The following SUN1 variants were observed in gnomAD, a reference collection of about 807,000 sequenced individuals.
SUN1 encodes Sad1 and UNC84 domain containing 1, also known as SUN domain-containing protein 1.
Under a neutral mutation model 103.2 loss-of-function variants are expected in SUN1, and 61 were observed. The ratio of observed to expected loss-of-function variants is 0.59; its 90% CI spans 0.48 to 0.73. SUN1 has a LOEUF of 0.73. SUN1 is among the 30% of genes least tolerant of loss of function. SUN1 has a pLI of 0.00. For synonymous variants in SUN1, 490 were observed against 425.7 expected (o/e 1.15, Z -1.86); for missense variants, 1,052 against 1,034.6 (o/e 1.02, Z -0.23).
At chr7:842,447 A>G (rs1562618568) in intron 3 of SUN1, 1 of 315,092 alleles carries the variant, frequency 3.2e-6, no homozygotes, top group East Asian at 6.8e-5. Flanking sequence ...TAGTAATCTT[A>G]TAACTCTGTT....
intron 5 of SUN1, among the ~76,000 whole-genome samples, chr7:844,284 G>A (rs566780476): frequency 4.6e-5 from 7 of 152,306 alleles, no homozygotes; most frequent in Non-Finnish European, 7.4e-5. Flanking sequence ...ACCCTCGGCC[G>A]GGCCGGGTGC....
chr7:817,905 C>T (rs1384600374), intron 1 of SUN1, among the ~76,000 whole-genome samples: 1 of 152,106 alleles, frequency 6.6e-6, no homozygotes, highest in Admixed American at 6.6e-5. Flanking sequence ...GTCTTTCTCC[C>T]ATTTAATGTT....
At chr7:846,481 A>G (rs1388068072) in intron 5 of SUN1, among the ~76,000 whole-genome samples, 1 of 151,474 alleles carries the variant, frequency 6.6e-6, no homozygotes, top group African/African-American at 2.4e-5. Context: ...GCTGAGAGGC[A>G]GGAGGATTGC....
At chr7:864,151 C>CCCAGCACTCTGGG (rs1834404742) in intron 15 of SUN1, among the ~76,000 whole-genome samples, 1 of 151,988 alleles carries the variant, frequency 6.6e-6, no homozygotes, top group Non-Finnish European at 1.5e-5. Context: ...TATTTTGATA[C>CCCAGCACTCTGGG]AGGCATGCAA....
chr7:821,388 T>C (rs1785865735), intron 1 of SUN1, among the ~76,000 whole-genome samples: 1 of 152,106 alleles, frequency 6.6e-6, no homozygotes, highest in Admixed American at 6.6e-5. Context: ...CAGGCTGATC[T>C]TGATCTCTTG....
intron 1 of SUN1, among the ~76,000 whole-genome samples, chr7:838,034 A>G (rs1380011023): frequency 6.6e-6 from 1 of 152,220 alleles, no homozygotes; most frequent in African/African-American, 2.4e-5. Flanking sequence ...TAGTGACTCA[A>G]AGCAGTTTGT....
chr7:816,391 C>G (rs1398794835), upstream of SUN1: 1 of 190,818 alleles, frequency 5.2e-6, no homozygotes, highest in African/African-American at 2.7e-5. Flanking sequence ...CATACCGGGA[C>G]GTGGCCTCGC....
chr7:841,390 C>G (rs1038888885), intron 2 of SUN1, among the ~76,000 whole-genome samples: 1 of 151,762 alleles, frequency 6.6e-6, no homozygotes, highest in Non-Finnish European at 1.5e-5. Context: ...ACTACAGGCG[C>G]CCGCCAACAC....
At chr7:851,893 A>G in intron 6 of SUN1, 57 bp from the exon 7 acceptor site, 2 of 1,575,938 alleles carry the variant, frequency 1.3e-6, no homozygotes, top group Middle Eastern at 1.7e-4. Context: ...TGGTCCATTT[A>G]GGAGCTTGGT....
chr7:840,743 G>A (rs1279786177), intron 2 of SUN1, among the ~76,000 whole-genome samples: 1 of 148,376 alleles, frequency 6.7e-6, no homozygotes, highest in Non-Finnish European at 1.5e-5. Context: ...CTGGGTTCAC[G>A]CCATTCTCCT....
intron 11 of SUN1, 57 bp from the exon 12 acceptor site, chr7:856,301 A>G (rs996413502): frequency 6.4e-7 from 1 of 1,553,166 alleles, no homozygotes; most frequent in Non-Finnish European, 8.9e-7. Context: ...ATGTGGTTTT[A>G]TGAAAAGTTA....
Position 873,282 on chromosome 7 carries a change from A to C in SUN1, c.2309A>C (p.Glu770Ala). 6.2e-7 allele frequency: 1 copy of C among 1,614,248 alleles called. No homozygotes were observed. The highest frequency in any genetic ancestry group is 8.5e-7 in the Non-Finnish European group (1 of 1,180,052). The change falls in exon 19 of 19, where the codon GAG becomes GCG. Residue 770 changes from glutamate to alanine, a missense_variant. Coordinates refer to ENST00000401592, the MANE Select transcript of SUN1 (RefSeq NM_001130965.3). Reference sequence around the variant, plus strand: ...ATTTTTTCTAACTGGGGCCATCCTGAGTATACCTGTCTGTATCGGTTCAGA... The same window carrying C: ...ATTTTTTCTAACTGGGGCCATCCTGCGTATACCTGTCTGTATCGGTTCAGA... The part of the protein sequence containing the change: ...LRIFSNWGHP[E>A]YTCLYRFRVH...
rs1293968198 is a variant in SUN1, at chr7:873,932, G to C, written c.*601G>C. 1 of 152,494 alleles carries C rather than the reference G, an allele frequency of 6.6e-6. No homozygotes were observed. The highest frequency in any genetic ancestry group is 1.5e-5 in the Non-Finnish European group (1 of 68,152). 9.4% of individuals were successfully genotyped at this position (152,494 alleles called of 1,614,324 possible). ...TGAGGAAGGTTTCCAGTCAGGACTCGCTGTACCAATATCCATGGAGGAATA... is the reference window on the plus strand; with the variant it reads ...TGAGGAAGGTTTCCAGTCAGGACTCCCTGTACCAATATCCATGGAGGAATA... On this transcript the variant is annotated 3_prime_UTR_variant, in exon 19 of 19. Transcript: ENST00000401592.
At position 873,607 on chromosome 7, in the gene SUN1, G is replaced by A. The variant is rs1366861202; in HGVS notation, c.*276G>A. 1 of 360,604 alleles carries A rather than the reference G, an allele frequency of 2.8e-6. No homozygotes were observed. The highest frequency in any genetic ancestry group is 4.8e-5 in the East Asian group (1 of 20,808). The allele number at this position is 360,604 out of a possible 1,614,324, so 22.3% of individuals were successfully genotyped here. A position where few individuals can be genotyped will look rare whatever the true frequency, so the allele number is the denominator to read the frequency against. On this transcript the variant is annotated 3_prime_UTR_variant, in exon 19 of 19. Transcript: ENST00000401592. ...CCTTGTTTTTAACGGGAAGCTCTTT[G>A]CATTTGCATTTCCTCAACAAAGGAG...
chr7:866,043 G>T lies in SUN1; in HGVS notation c.1956G>T (p.Ser652=). The change falls in exon 16 of 19, where the codon TCG becomes TCT. Residue 652 remains serine, a synonymous_variant. Transcript: ENST00000401592. ...TTGGGATCCCGCTGTGGTACTTCTC[G>T]CAGTCCCCGCGCGTGGTCATCCAGG... ...SLFGIPLWYF[S]QSPRVVIQPD... The T allele has an allele frequency of 6.2e-7, 1 of 1,614,044 alleles. No homozygotes were observed.
At chr7:852,989 CAT>C (rs756020048) in intron 9 of SUN1, 37 bp downstream of exon 9, 7 of 1,586,970 alleles carry the variant, frequency 4.4e-6, no homozygotes, top group Non-Finnish European at 6.0e-6. Context: ...TGGCACTGCA[CAT>C]GTGAGGTCTT....
chr7:865,821 C>G (rs1001265620), intron 15 of SUN1, 131 bp from the exon 16 acceptor site: 2 of 697,070 alleles, frequency 2.9e-6, no homozygotes, highest in African/African-American at 3.6e-5. Flanking sequence ...TTTTTACTTG[C>G]ATTTCTCTGA....
At chr7:865,906 A>C (rs568207607) in intron 15 of SUN1, 46 bp from the exon 16 acceptor site, 2 of 1,550,532 alleles carry the variant, frequency 1.3e-6, no homozygotes, top group African/African-American at 2.7e-5. Context: ...ATTGCTTCCA[A>C]AATGGTGGAA....
chr7:871,025 G>T (rs1265328206), intron 17 of SUN1, among the ~76,000 whole-genome samples: 1 of 151,658 alleles, frequency 6.6e-6, no homozygotes, highest in Non-Finnish European at 1.5e-5. Context: ...CAAGTAGCTG[G>T]GATTACAGGC....
Sources: allele counts gnomAD v4.1 joint callset (sites outside exome capture counted in the v4.1 genomes callset), GRCh38; gene constraint gnomAD v4.1.1; transcripts MANE v1.5; gene names NCBI Gene and HGNC (gene_info 2026-07-23, HGNC 2026-07-21).